Variants in UNC13C observed in about 807,000 individuals in gnomAD.
UNC13C encodes the protein protein unc-13 homolog C.
In UNC13C, 174 loss-of-function variants were observed where a neutral mutation model predicts 245.4. The observed-to-expected ratio is 0.71, with a 90% CI of 0.63 to 0.80. UNC13C has a LOEUF of 0.80. UNC13C is among the 30% of genes least tolerant of loss of function. The pLI is 0.00. For synonymous variants in UNC13C, 992 were observed against 895.1 expected, an observed-to-expected ratio of 1.11 and a Z score of -1.93; for missense variants, 2,829 against 2,602.9, an observed-to-expected ratio of 1.09 and a Z score of -1.89.
At chr15:54,584,297 C>A (rs1212032541) in intron 30 of UNC13C, among the ~76,000 whole-genome samples, 2 of 152,334 alleles carry the variant, frequency 1.3e-5, no homozygotes, top group African/African-American at 2.4e-5. Context: ...TAGACCTATT[C>A]TAGCTCTAAA....
chr15:54,295,335 C>T (rs548425287), intron 11 of UNC13C, among the ~76,000 whole-genome samples: 1 of 152,182 alleles, frequency 6.6e-6, no homozygotes, highest in South Asian at 2.1e-4. Flanking sequence ...AGAAATTTCT[C>T]CAATGTATTC....
At chr15:54,068,891 T>C (rs1898192341) in intron 2 of UNC13C, among the ~76,000 whole-genome samples, 1 of 152,278 alleles carries the variant, frequency 6.6e-6, no homozygotes, top group African/African-American at 2.4e-5. Flanking sequence ...GCACAGGGCA[T>C]TATATCTATT....
At chr15:54,631,870 G>T (rs1337555936), downstream of UNC13C, 1 of 151,960 alleles carries the variant, frequency 6.6e-6, no homozygotes, top group Non-Finnish European at 1.5e-5. Flanking sequence ...GTGATTTCTA[G>T]GTCTTATGAT....
intron 13 of UNC13C, among the ~76,000 whole-genome samples, chr15:54,320,389 CT>C (rs199661401): frequency 6.6e-6 from 1 of 151,686 alleles, no homozygotes; most frequent in Admixed American, 6.6e-5. Flanking sequence ...AAATTACGTT[CT>C]TTTTTTTAAA....
chr15:54,075,946 A>G (rs1898588351), intron 2 of UNC13C, among the ~76,000 whole-genome samples: 1 of 152,064 alleles, frequency 6.6e-6, no homozygotes, highest in African/African-American at 2.4e-5. Flanking sequence ...CCTTCATTTT[A>G]CAGATGAGGT....
intron 2 of UNC13C, among the ~76,000 whole-genome samples, chr15:54,040,976 C>T (rs1896785753): frequency 1.3e-5 from 2 of 152,218 alleles, no homozygotes. Context: ...CTGCTCTGTT[C>T]TCTTTGTAAT....
At chr15:54,320,936 A>T (rs1161290208) in intron 13 of UNC13C, 3 of 363,810 alleles carry the variant, frequency 8.2e-6, no homozygotes, top group Non-Finnish European at 1.6e-5. Context: ...AACTGCTTCC[A>T]TTATTACCAA....
At chr15:54,011,628 G>T (rs1024785449) in intron 1 of UNC13C, among the ~76,000 whole-genome samples, 1 of 152,186 alleles carries the variant, frequency 6.6e-6, no homozygotes, top group Admixed American at 6.5e-5. Flanking sequence ...GTCCTGGTTT[G>T]TGTTTGTGAA....
intron 4 of UNC13C, among the ~76,000 whole-genome samples, chr15:54,211,533 C>G (rs1407374662): frequency 6.6e-6 from 1 of 152,028 alleles, no homozygotes; most frequent in Non-Finnish European, 1.5e-5. Context: ...ATGTGATTAT[C>G]TCTGAATGCG....
intron 4 of UNC13C, among the ~76,000 whole-genome samples, chr15:54,163,481 A>AT (rs1315034447): frequency 6.6e-6 from 1 of 152,132 alleles, no homozygotes; most frequent in African/African-American, 2.4e-5. Flanking sequence ...TTCTCCATCA[A>AT]TTTTTTAAAT....
chr15:54,434,962 A>G (rs948592442), intron 19 of UNC13C, among the ~76,000 whole-genome samples: 2 of 152,190 alleles, frequency 1.3e-5, no homozygotes, highest in African/African-American at 4.8e-5. Context: ...TTATGCAGCC[A>G]ACAAACACAT....
intron 31 of UNC13C, among the ~76,000 whole-genome samples, chr15:54,623,187 C>G (rs1900906738): frequency 6.6e-6 from 1 of 150,790 alleles, no homozygotes; most frequent in South Asian, 2.1e-4. Flanking sequence ...TGAGAATCTT[C>G]ATTTAGTATT....
intron 2 of UNC13C, among the ~76,000 whole-genome samples, chr15:54,092,728 A>C (rs1490555716): frequency 6.6e-6 from 1 of 152,196 alleles, no homozygotes; most frequent in East Asian, 1.9e-4. Flanking sequence ...TCAAAACTAT[A>C]AATATACTAT....
At chr15:54,379,067 A>G (rs1596305262) in intron 17 of UNC13C, among the ~76,000 whole-genome samples, 1 of 152,116 alleles carries the variant, frequency 6.6e-6, no homozygotes, top group Non-Finnish European at 1.5e-5. Context: ...AACCAAATTA[A>G]TGTATTTTTA....
At chr15:54,481,016 C>T (rs1893075703) in intron 19 of UNC13C, among the ~76,000 whole-genome samples, 2 of 152,170 alleles carry the variant, frequency 1.3e-5, no homozygotes, top group Admixed American at 1.3e-4. Context: ...ACTTGGCTCT[C>T]AAAACCTATG....
intron 4 of UNC13C, among the ~76,000 whole-genome samples, chr15:54,231,593 T>G (rs2035554962): frequency 6.6e-6 from 1 of 152,060 alleles, no homozygotes; most frequent in Admixed American, 6.6e-5. Context: ...AGTAAAGTGC[T>G]TAGAATAATA....
intron 19 of UNC13C, among the ~76,000 whole-genome samples, chr15:54,455,205 CTA>C (rs1214014395): frequency 0.038 from 720 of 18,916 alleles, 36 homozygotes; most frequent in Non-Finnish European, 0.048. Flanking sequence ...CTCTCTCTCT[CTA>C]TATATATATA....
chr15:54,283,694 ATGTGTGTATATATATATG>A (rs555186587), intron 10 of UNC13C, among the ~76,000 whole-genome samples: 291 of 121,306 alleles, frequency 2.4e-3, no homozygotes, highest in African/African-American at 8.7e-3. Flanking sequence ...TGTGATATAT[ATGTGTGTATATATATATG>A]TGTGTGTGTG....
At chr15:54,293,835 C>T in intron 10 of UNC13C, 60 bp from the exon 11 acceptor site, 12 of 1,356,726 alleles carry the variant, frequency 8.8e-6, no homozygotes, top group Non-Finnish European at 9.8e-6. Flanking sequence ...AAAGTACTAA[C>T]ATCAAATGGA....
Sources: gnomAD v4.1 joint callset for allele counts (sites outside exome capture counted in the v4.1 genomes callset) on GRCh38, gnomAD v4.1.1 for gene constraint, MANE v1.5 for transcripts, NCBI Gene and HGNC (gene_info 2026-07-23, HGNC 2026-07-21) for gene names.